Variants in GRB14 observed in about 807,000 individuals in gnomAD.
GRB14 encodes the protein growth factor receptor-bound protein 14.
GRB14 carries 38 observed loss-of-function variants against 69.1 expected under a neutral mutation model. That is an observed-to-expected ratio of 0.55 (90% confidence interval 0.42 to 0.72). The LOEUF is 0.72. Among genes scored for constraint, GRB14 ranks in the 30% least tolerant of loss-of-function variants. The probability of loss-of-function intolerance (pLI) is 0.00; values close to 1 mark genes in which losing one functional copy is unlikely to be tolerated. For synonymous variants in GRB14, 247 were observed against 241.3 expected, an observed-to-expected ratio of 1.02 and a Z score of -0.22; for missense variants, 666 against 666.1, an observed-to-expected ratio of 1.00 and a Z score of 0.00.
chr2:164,502,144 T>TTACTTTC lies in GRB14; in HGVS notation c.1104+110_1104+111insGAAAGTA. The TTACTTTC allele has an allele frequency of 5.1e-6, 3 of 583,082 alleles. No individual in the cohort carries two copies. The South Asian group carries it at 8.1e-5, about 16-fold the overall frequency. The allele number at this position is 583,082 out of a possible 1,614,324, so 36.1% of individuals were successfully genotyped here. On this transcript the variant is annotated intron_variant, in intron 9 of 13. Coordinates refer to ENST00000263915, the MANE Select transcript of GRB14 (RefSeq NM_004490.3). ...ACTAGAATGGTGCCAAAGAGTTACT[T>TTACTTTC]TACCAACAGAAAATAACATAAATTA...
chr2:164,534,327 T>C (rs1439935217), intron 3 of GRB14, among the ~76,000 whole-genome samples: 1 of 152,198 alleles, frequency 6.6e-6, no homozygotes, highest in Non-Finnish European at 1.5e-5. Context: ...CCAATCTCAT[T>C]ATGTTAAAGG....
At chr2:164,548,404 A>G (rs1422813262) in intron 2 of GRB14, among the ~76,000 whole-genome samples, 4 of 152,012 alleles carry the variant, frequency 2.6e-5, no homozygotes, top group Non-Finnish European at 4.4e-5. Flanking sequence ...GTGTGTGTGT[A>G]ATGCAAATAT....
intron 2 of GRB14, among the ~76,000 whole-genome samples, chr2:164,593,080 A>G (rs1008898599): frequency 2.0e-5 from 3 of 152,236 alleles, no homozygotes; most frequent in Non-Finnish European, 4.4e-5. Flanking sequence ...AGAAACCATT[A>G]AGCCAAAAGG....
At chr2:164,537,065 T>C (rs952149843) in intron 3 of GRB14, among the ~76,000 whole-genome samples, 1 of 152,114 alleles carries the variant, frequency 6.6e-6, no homozygotes, top group Non-Finnish European at 1.5e-5. Context: ...CGCCATGCAG[T>C]CAGGCAAGTG....
At chr2:164,613,559 GGGCAAGCAACAC>G (rs1201862797) in intron 2 of GRB14, among the ~76,000 whole-genome samples, 3 of 152,184 alleles carry the variant, frequency 2.0e-5, no homozygotes, top group Non-Finnish European at 4.4e-5. Flanking sequence ...CATGAAATCA[GGGCAAGCAACAC>G]TGCAAAGAAA....
At chr2:164,616,009 G>C (rs375798982) in intron 2 of GRB14, among the ~76,000 whole-genome samples, 7 of 152,206 alleles carry the variant, frequency 4.6e-5, no homozygotes, top group African/African-American at 9.6e-5. Context: ...TTTAATATAA[G>C]TAACTTTTCT....
At chr2:164,518,892 A>G (rs976125404) in intron 6 of GRB14, among the ~76,000 whole-genome samples, 3 of 152,018 alleles carry the variant, frequency 2.0e-5, no homozygotes, top group Non-Finnish European at 4.4e-5. Flanking sequence ...TGATCAACAA[A>G]AAAAAAGGTC....
chr2:164,550,656 A>T (rs1688511053), intron 2 of GRB14, among the ~76,000 whole-genome samples: 1 of 152,184 alleles, frequency 6.6e-6, no homozygotes, highest in Non-Finnish European at 1.5e-5. Flanking sequence ...CTAAATATGG[A>T]AAATGGCTTT....
chr2:164,566,570 C>T (rs1688980414), intron 2 of GRB14, among the ~76,000 whole-genome samples: 1 of 152,012 alleles, frequency 6.6e-6, no homozygotes, highest in African/African-American at 2.4e-5. Context: ...TCAATAATAA[C>T]CACCGCTTTC....
chr2:164,511,160 T>C lies in GRB14; in HGVS notation c.817-2308A>G, dbSNP rs140244491. On this transcript the variant is annotated intron_variant, in intron 6 of 13. Transcript: ENST00000263915. Reference sequence around the variant, plus strand: ...GGACTAAACTGCTCTGAGCCCTAAATAGACATGAAAGGCAGTCTAGGCTGC... The same window carrying C: ...GGACTAAACTGCTCTGAGCCCTAAACAGACATGAAAGGCAGTCTAGGCTGC... Among the ~76,000 whole-genome samples the C allele has an allele frequency of 9.9e-5, 15 of 152,228 alleles. No homozygotes were observed. The South Asian group carries it at 2.7e-3, about 27-fold the overall frequency.
chr2:164,612,365 G>A (rs1690188344), intron 2 of GRB14, among the ~76,000 whole-genome samples: 1 of 152,100 alleles, frequency 6.6e-6, no homozygotes, highest in African/African-American at 2.4e-5. Context: ...TTTTTTCTGT[G>A]GCTTTGAAAA....
At chr2:164,521,146 A>G (rs1687623465) in intron 6 of GRB14, among the ~76,000 whole-genome samples, 1 of 152,096 alleles carries the variant, frequency 6.6e-6, no homozygotes, top group Non-Finnish European at 1.5e-5. Context: ...AAATTGTGAG[A>G]TAGACAGACA....
At chr2:164,526,971 G>A in intron 4 of GRB14, 43 bp downstream of exon 4, 2 of 1,422,430 alleles carry the variant, frequency 1.4e-6, no homozygotes, top group South Asian at 1.3e-5. Context: ...AAATTTAACG[G>A]GTTCATTTAT....
intron 6 of GRB14, among the ~76,000 whole-genome samples, chr2:164,520,325 C>A (rs1226661692): frequency 6.6e-6 from 1 of 152,052 alleles, no homozygotes; most frequent in Non-Finnish European, 1.5e-5. Context: ...GAAAGTGGAT[C>A]CTTATCTCTG....
intron 6 of GRB14, among the ~76,000 whole-genome samples, chr2:164,509,790 T>TG (rs1229630913): frequency 1.4e-4 from 7 of 51,518 alleles, no homozygotes; most frequent in East Asian, 3.2e-4. Context: ...TGAGAAGCAG[T>TG]GGAAAAAAAA....
intron 3 of GRB14, 41 bp from the exon 4 acceptor site, chr2:164,527,176 AATATATAT>A (rs57531034): frequency 0.045 from 11,218 of 248,908 alleles, 415 homozygotes; most frequent in African/African-American, 0.11. Context: ...CAGATAGACA[AATATATAT>A]ATATATATAT....
chr2:164,601,127 C>A (rs73028097), intron 2 of GRB14, among the ~76,000 whole-genome samples: 1,882 of 152,208 alleles, frequency 0.012, 41 homozygotes, highest in African/African-American at 0.043. Context: ...AATTTTAACA[C>A]CCCAGAGTAC....
intron 2 of GRB14, among the ~76,000 whole-genome samples, chr2:164,553,530 G>A (rs938016460): frequency 1.1e-4 from 16 of 152,022 alleles, no homozygotes; most frequent in Non-Finnish European, 1.5e-4. Context: ...TATGAATAAC[G>A]GAATTATATT....
intron 9 of GRB14, among the ~76,000 whole-genome samples, chr2:164,498,516 CAAG>C (rs1440278538): frequency 6.6e-6 from 1 of 152,052 alleles, no homozygotes; most frequent in Non-Finnish European, 1.5e-5. Flanking sequence ...CATACAACAT[CAAG>C]AAGGAATTAA....
Sources: gnomAD v4.1 joint callset for allele counts (sites outside exome capture counted in the v4.1 genomes callset) on GRCh38, gnomAD v4.1.1 for gene constraint, MANE v1.5 for transcripts, NCBI Gene and HGNC (gene_info 2026-07-23, HGNC 2026-07-21) for gene names.